Variants in WARS2 observed in about 807,000 individuals in gnomAD.
The protein encoded by WARS2 is tryptophanyl tRNA synthetase 2, mitochondrial, also known as tryptophan--tRNA ligase, mitochondrial.
A neutral mutation model predicts 36.5 loss-of-function variants in WARS2; 28 were observed. The ratio of observed to expected loss-of-function variants is 0.77; its 90% CI spans 0.57 to 1.05. The LOEUF (loss-of-function observed/expected upper bound fraction) is 1.05. Among genes scored for constraint, WARS2 ranks in the 50% least tolerant of loss-of-function variants. The pLI, the probability that WARS2 is intolerant of heterozygous loss-of-function variation, is 0.00. For missense variants in WARS2, 435 were observed against 456.8 expected (o/e 0.95, Z 0.44); for synonymous variants, 174 against 178.4 (o/e 0.98, Z 0.20).
chr1:119,116,797 G>A lies in WARS2; in HGVS notation c.90+23758C>T, dbSNP rs587640353. ...CACAGAGGTCCTTGGAGAAGGAAACGCAGCCAGTGGAACTGGGGAGAGGCC... is the reference window on the plus strand; with the variant it reads ...CACAGAGGTCCTTGGAGAAGGAAACACAGCCAGTGGAACTGGGGAGAGGCC... On this transcript the variant is annotated intron_variant, in intron 1 of 5. Transcript: ENST00000235521. 7.0e-4 allele frequency among the ~76,000 whole-genome samples: 107 copies of A among 152,310 alleles called. 1 individual carries two copies. The highest frequency in any genetic ancestry group is 2.5e-3 in the African/African-American group (104 of 41,570).
At chr1:119,046,303 TTTTTTTAAG>T (rs1186786210) in intron 2 of WARS2, among the ~76,000 whole-genome samples, 2 of 130,494 alleles carry the variant, frequency 1.5e-5, no homozygotes, top group Admixed American at 7.4e-5. Context: ...TTTTTTTTTT[TTTTTTTAAG>T]AAGAAGTCTA....
At chr1:119,137,342 T>C (rs1010343971) in intron 1 of WARS2, among the ~76,000 whole-genome samples, 1 of 152,156 alleles carries the variant, frequency 6.6e-6, no homozygotes, top group African/African-American at 2.4e-5. Flanking sequence ...TAAACCACGC[T>C]TTTTTTCTTT....
At chr1:119,123,039 G>T (rs587657500) in intron 1 of WARS2, among the ~76,000 whole-genome samples, 10 of 152,108 alleles carry the variant, frequency 6.6e-5, no homozygotes, top group Admixed American at 1.3e-4. Flanking sequence ...ATGCATATAC[G>T]CATTTTTCAA....
chr1:119,127,014 C>T (rs1571398360), intron 1 of WARS2: 4 of 745,470 alleles, frequency 5.4e-6, no homozygotes, highest in East Asian at 2.5e-5. Context: ...GCAGTTTTTG[C>T]CCTAAACATC....
Position 119,033,080 on chromosome 1 carries a change from G to A in WARS2, c.914C>T (p.Ala305Val). 1 of 1,614,196 alleles carries A rather than the reference G, an allele frequency of 6.2e-7. No homozygotes were observed. The highest frequency in any genetic ancestry group is 8.5e-7 in the Non-Finnish European group (1 of 1,180,046). Residue 305 changes from alanine to valine, a missense_variant, in exon 6 of 6, where the codon GCC (alanine) becomes GTC (valine). Ala to Val is a moderately conservative substitution (Grantham distance 64). Transcript: ENST00000235521. ...CTTCTCAATCACAGCATCTGCCACG[G>A]CCAGCTTGTAGCGAGCAGTGTTCAT... The part of the protein sequence containing the change: ...AGMNTARYKL[A>V]VADAVIEKFA...
Position 119,076,507 on chromosome 1 carries a change from T to C in WARS2, c.191A>G (p.Asp64Gly). The change falls in exon 2 of 6, where the codon GAT (aspartate) becomes GGT (glycine). Residue 64 changes from aspartate to glycine, a missense_variant. Coordinates refer to ENST00000235521, the MANE Select transcript of WARS2 (RefSeq NM_015836.4). ...GCTGTATAATACAGAGTCATATTCA[T>C]CCTGTAACCTCACCCAGCTCTCAAT... ...GAIESWVRLQ[D>G]EYDSVLYSIV... 2.5e-6 allele frequency: 4 copies of C among 1,614,144 alleles called. No homozygotes were observed. The highest frequency in any genetic ancestry group is 3.4e-6 in the Non-Finnish European group (4 of 1,180,012).
intron 1 of WARS2, chr1:119,085,569 T>G (rs1652585908): frequency 6.3e-7 from 1 of 1,599,336 alleles, no homozygotes; most frequent in Non-Finnish European, 8.6e-7. Flanking sequence ...CTGGAGCTCT[T>G]TGGTCACATC....
At chr1:119,132,644 T>C (rs1464224682) in intron 1 of WARS2, among the ~76,000 whole-genome samples, 1 of 152,170 alleles carries the variant, frequency 6.6e-6, no homozygotes, top group Non-Finnish European at 1.5e-5. Context: ...ACGTGGTGAA[T>C]AAAGAGTAGG....
chr1:119,065,543 G>A (rs1419550692), intron 2 of WARS2, among the ~76,000 whole-genome samples: 2 of 150,358 alleles, frequency 1.3e-5, no homozygotes, highest in Non-Finnish European at 2.9e-5. Flanking sequence ...GCTGAGGCAT[G>A]AGAATAGCTT....
intron 1 of WARS2, chr1:119,085,140 A>AGG: frequency 1.3e-6 from 1 of 786,752 alleles, no homozygotes; most frequent in South Asian, 1.3e-5. Flanking sequence ...CGGGCTAGAA[A>AGG]GTGTGCCTGA....
intron 2 of WARS2, among the ~76,000 whole-genome samples, chr1:119,056,439 C>T (rs998073666): frequency 2.0e-5 from 3 of 149,848 alleles, no homozygotes; most frequent in South Asian, 2.1e-4. Flanking sequence ...CAACATCCTA[C>T]GAGCCTATTC....
At position 119,091,338 on chromosome 1, in the gene WARS2, T is replaced by G. The variant is rs781116988; in HGVS notation, c.91-14731A>C. Among the ~76,000 whole-genome samples, 8 of 152,288 alleles carry G rather than the reference T, an allele frequency of 5.3e-5. 1 individual carries two copies. In the East Asian group the frequency reaches 1.5e-3, roughly 29 times the overall value. ...TTTGATCCTCATAAAAACTCTGAGG[T>G]ACTTGTTTCACAAGGATGAAGGAAC... On this transcript the variant is annotated intron_variant, in intron 1 of 5. Transcript: ENST00000235521.
intron 2 of WARS2, among the ~76,000 whole-genome samples, chr1:119,072,555 C>T (rs1289008353): frequency 3.3e-5 from 5 of 151,836 alleles, no homozygotes; most frequent in Admixed American, 2.6e-4. Context: ...ACTAACTTTA[C>T]AGGAAATAAA....
chr1:119,104,289 A>T (rs1242234387), intron 1 of WARS2, among the ~76,000 whole-genome samples: 2 of 151,650 alleles, frequency 1.3e-5, no homozygotes, highest in Non-Finnish European at 1.5e-5. Flanking sequence ...TTATACCTAT[A>T]ATCTTACAAT....
At chr1:119,048,850 C>T (rs1649088306) in intron 2 of WARS2, among the ~76,000 whole-genome samples, 1 of 152,032 alleles carries the variant, frequency 6.6e-6, no homozygotes, top group Non-Finnish European at 1.5e-5. Context: ...GATTACCTGA[C>T]GTCAGGAGTT....
intron 2 of WARS2, among the ~76,000 whole-genome samples, chr1:119,056,016 T>TTC: frequency 6.7e-6 from 1 of 149,304 alleles, no homozygotes; most frequent in East Asian, 1.9e-4. Context: ...CATAACTTTT[T>TTC]TTTTTTTTTT....
chr1:119,077,137 C>CAAAAAA (rs59753812), intron 1 of WARS2, among the ~76,000 whole-genome samples: 1 of 96,884 alleles, frequency 1.0e-5, no homozygotes, highest in Non-Finnish European at 2.0e-5. Flanking sequence ...GACCCCGTCT[C>CAAAAAA]AAAAAAAAAA....
intron 1 of WARS2, among the ~76,000 whole-genome samples, chr1:119,101,549 T>C (rs1178658023): frequency 1.3e-5 from 2 of 152,192 alleles, no homozygotes; most frequent in Non-Finnish European, 2.9e-5. Flanking sequence ...TTTCAAGCAG[T>C]GTCTGTCCCT....
chr1:119,059,152 G>T (rs959503052), intron 2 of WARS2, among the ~76,000 whole-genome samples: 1 of 151,386 alleles, frequency 6.6e-6, no homozygotes, highest in Non-Finnish European at 1.5e-5. Context: ...TTTTTGATGG[G>T]GTTGTTTTTT....
Sources: allele counts gnomAD v4.1 joint callset (sites outside exome capture counted in the v4.1 genomes callset), GRCh38; gene constraint gnomAD v4.1.1; transcripts MANE v1.5; gene names NCBI Gene and HGNC (gene_info 2026-07-23, HGNC 2026-07-21).